The following MYO6 variants were observed in gnomAD, a reference collection of about 807,000 sequenced individuals.
The protein encoded by MYO6 is unconventional myosin-VI.
MYO6 carries 74 observed loss-of-function variants against 178.7 expected under a neutral mutation model. The ratio of observed to expected loss-of-function variants is 0.41; its 90% CI spans 0.34 to 0.50. The LOEUF (loss-of-function observed/expected upper bound fraction) is 0.50, where lower values mean the gene tolerates loss of function less well. MYO6 is among the 20% of genes least tolerant of loss of function. The probability of loss-of-function intolerance (pLI) is 0.09; values close to 1 mark genes in which losing one functional copy is unlikely to be tolerated. For missense variants in MYO6, 1,330 were observed against 1,547.4 expected, an observed-to-expected ratio of 0.86 and a Z score of 2.36; for synonymous variants, 477 against 504.6, an observed-to-expected ratio of 0.95 and a Z score of 0.73.
At chr6:75,784,059 C>T (rs1767259262) in intron 1 of MYO6, among the ~76,000 whole-genome samples, 1 of 152,114 alleles carries the variant, frequency 6.6e-6, no homozygotes, top group Non-Finnish European at 1.5e-5. Context: ...ACAACCTGTG[C>T]TTCCCGGGTT....
chr6:75,780,083 G>C (rs961448587), intron 1 of MYO6, among the ~76,000 whole-genome samples: 1 of 152,182 alleles, frequency 6.6e-6, no homozygotes, highest in Non-Finnish European at 1.5e-5. Context: ...GGGTAATGGG[G>C]GCTGGAGGTC....
chr6:75,912,858 C>T (rs115296083), intron 33 of MYO6, among the ~76,000 whole-genome samples: 34 of 152,148 alleles, frequency 2.2e-4, no homozygotes, highest in African/African-American at 7.2e-4. Flanking sequence ...CTAACAAAAC[C>T]GGGCCTCTCG....
At chr6:75,841,112 A>T in intron 8 of MYO6, 102 bp from the exon 9 acceptor site, 1 of 1,133,746 alleles carries the variant, frequency 8.8e-7, no homozygotes, top group South Asian at 1.3e-5. Context: ...AACCTCTTTG[A>T]TAGACAAATG....
intron 30 of MYO6, among the ~76,000 whole-genome samples, chr6:75,904,448 A>T (rs1304126456): frequency 1.4e-5 from 2 of 138,072 alleles, no homozygotes; most frequent in African/African-American, 2.6e-5. Flanking sequence ...TTTTTCTCTA[A>T]ACTTCCCTTC....
At chr6:75,761,971 G>A (rs998626267) in intron 1 of MYO6, among the ~76,000 whole-genome samples, 1 of 149,580 alleles carries the variant, frequency 6.7e-6, no homozygotes, top group African/African-American at 2.5e-5. Context: ...TCACTCTGTC[G>A]CCCAGGCTGG....
intron 10 of MYO6, among the ~76,000 whole-genome samples, chr6:75,846,480 A>G (rs1395543376): frequency 3.3e-5 from 5 of 152,166 alleles, no homozygotes; most frequent in Non-Finnish European, 7.4e-5. Flanking sequence ...TTCTAAGCAG[A>G]CAACCCTACA....
intron 25 of MYO6, among the ~76,000 whole-genome samples, chr6:75,887,723 C>T (rs1234353153): frequency 6.6e-6 from 1 of 151,476 alleles, no homozygotes; most frequent in Non-Finnish European, 1.5e-5. Context: ...CCTGTAATCC[C>T]AGCACTTTGG....
intron 27 of MYO6, among the ~76,000 whole-genome samples, chr6:75,891,853 G>C (rs974615520): frequency 1.1e-4 from 17 of 152,086 alleles, no homozygotes; most frequent in African/African-American, 4.1e-4. Flanking sequence ...TTATAGTGAG[G>C]AACTATGGGT....
intron 11 of MYO6, among the ~76,000 whole-genome samples, chr6:75,854,656 A>G (rs997500380): frequency 2.0e-5 from 3 of 152,096 alleles, no homozygotes; most frequent in Non-Finnish European, 4.4e-5. Context: ...ACCCCAAGCA[A>G]TATGAGTACA....
chr6:75,812,931 A>G (rs1249201263), intron 1 of MYO6, among the ~76,000 whole-genome samples: 1 of 152,158 alleles, frequency 6.6e-6, no homozygotes, highest in Non-Finnish European at 1.5e-5. Flanking sequence ...TATCTCTTCA[A>G]TATACTGATT....
chr6:75,796,172 G>C (rs1249219607), intron 1 of MYO6, among the ~76,000 whole-genome samples: 2 of 152,056 alleles, frequency 1.3e-5, no homozygotes, highest in African/African-American at 4.8e-5. Flanking sequence ...CTACCATTCT[G>C]TTCTACCAGA....
intron 10 of MYO6, among the ~76,000 whole-genome samples, chr6:75,845,440 C>T (rs997606884): frequency 2.0e-5 from 3 of 152,138 alleles, no homozygotes; most frequent in Non-Finnish European, 2.9e-5. Flanking sequence ...CACCTGTAAT[C>T]CCAGCACTTT....
At chr6:75,806,491 G>A (rs571151939) in intron 1 of MYO6, among the ~76,000 whole-genome samples, 1 of 152,250 alleles carries the variant, frequency 6.6e-6, no homozygotes, top group Non-Finnish European at 1.5e-5. Context: ...TCAGATTGTT[G>A]GGAACAAGCG....
At chr6:75,784,036 A>G (rs1261014846) in intron 1 of MYO6, among the ~76,000 whole-genome samples, 1 of 152,034 alleles carries the variant, frequency 6.6e-6, no homozygotes, top group African/African-American at 2.4e-5. Flanking sequence ...CGGTGGCGCC[A>G]TCTCCGCTCC....
intron 1 of MYO6, chr6:75,768,054 T>TA (rs533967532): frequency 8.3e-4 from 126 of 152,102 alleles, no homozygotes; most frequent in African/African-American, 3.0e-3. Context: ...TCTGCAATAA[T>TA]AAAAAAGAAA....
At chr6:75,786,659 G>A (rs1255644878) in intron 1 of MYO6, among the ~76,000 whole-genome samples, 1 of 152,136 alleles carries the variant, frequency 6.6e-6, no homozygotes, top group Non-Finnish European at 1.5e-5. Flanking sequence ...TGCAAGGGCT[G>A]TACTGTACAG....
chr6:75,844,831 G>GT, intron 9 of MYO6, 66 bp from the exon 10 acceptor site: 1 of 1,323,754 alleles, frequency 7.6e-7, no homozygotes, highest in South Asian at 1.2e-5. Flanking sequence ...GGTAAGTTGT[G>GT]TTTTCTCCTG....
chr6:75,824,363 T>C (rs1772222320), intron 3 of MYO6, among the ~76,000 whole-genome samples: 1 of 152,204 alleles, frequency 6.6e-6, no homozygotes, highest in Non-Finnish European at 1.5e-5. Flanking sequence ...CCATCCCTAC[T>C]GAAGACACTT....
chr6:75,875,160 TGGA>T (rs1168956193), intron 20 of MYO6, among the ~76,000 whole-genome samples: 1 of 152,230 alleles, frequency 6.6e-6, no homozygotes, highest in Non-Finnish European at 1.5e-5. Flanking sequence ...TACATGATGA[TGGA>T]GATTTTCCAT....
Sources: allele counts gnomAD v4.1 joint callset (sites outside exome capture counted in the v4.1 genomes callset), GRCh38; gene constraint gnomAD v4.1.1; transcripts MANE v1.5; gene names NCBI Gene and HGNC (gene_info 2026-07-23, HGNC 2026-07-21).